Variants in SEC14L3 observed in about 807,000 individuals in gnomAD.
The protein encoded by SEC14L3 is SEC14-like protein 3.
A neutral mutation model predicts 57.4 loss-of-function variants in SEC14L3; 56 were observed. That is an observed-to-expected ratio of 0.97 (90% CI 0.79 to 1.22). SEC14L3 has a LOEUF of 1.22. Among genes scored for constraint, SEC14L3 ranks in the 50% most tolerant of loss-of-function variants. SEC14L3 has a pLI of 0.00. For synonymous variants in SEC14L3, 173 were observed against 194.4 expected (o/e 0.89, Z 0.92); for missense variants, 485 against 511.7 (o/e 0.95, Z 0.50).
At chr22:30,451,655 C>A (rs187142054) in intron 12 of SEC14L3, among the ~76,000 whole-genome samples, 6 of 152,100 alleles carry the variant, frequency 3.9e-5, no homozygotes, top group Non-Finnish European at 7.4e-5. Context: ...AAACAGCTTG[C>A]CGAAACACGG....
At chr22:30,469,930 C>G (rs1316686800) in intron 4 of SEC14L3, 89 bp downstream of exon 4, 1 of 1,025,052 alleles carries the variant, frequency 9.8e-7, no homozygotes, top group Non-Finnish European at 1.4e-6. Flanking sequence ...CCACAGGCCT[C>G]TCAGGCTTGC....
intron 12 of SEC14L3, among the ~76,000 whole-genome samples, chr22:30,453,138 TACCACC>T (rs1935019753): frequency 6.6e-6 from 1 of 152,194 alleles, no homozygotes; most frequent in Non-Finnish European, 1.5e-5. Context: ...GATACAATCC[TACCACC>T]TAGATCATCG....
Position 30,461,347 on chromosome 22 carries a change from G to A in SEC14L3, c.1044C>T (p.Pro348=), listed in dbSNP as rs369303021. ...PSQRYNAHMV[P]EDGNLTCSEA... ...CTGAGCAGGTGAGGTTCCCATCCTC[G>A]GGCACCATGTGGGCGTTATAGCGCT... is the stretch of plus-strand genomic sequence containing the variant. The change falls in exon 11 of 12, where the codon CCC becomes CCT. Residue 348 remains proline, a synonymous_variant. Coordinates refer to ENST00000215812, the MANE Select transcript of SEC14L3 (RefSeq NM_174975.5). 37 of 1,610,900 alleles carry A rather than the reference G, an allele frequency of 2.3e-5. No individual in the cohort carries two copies. Among genetic ancestry groups the A allele is most frequent in the Middle Eastern group, 1.6e-4 (1 of 6,070 alleles).
chr22:30,458,139 G>T (rs1327512381), downstream of SEC14L3, among the ~76,000 whole-genome samples: 2 of 152,156 alleles, frequency 1.3e-5, no homozygotes, highest in South Asian at 4.1e-4. Context: ...CCCCATTCCC[G>T]GGTGTGATCC....
At chr22:30,451,991 C>CAAAAAAAAAAAAAA (rs34799395) in intron 12 of SEC14L3, among the ~76,000 whole-genome samples, 2 of 33,794 alleles carry the variant, frequency 5.9e-5, no homozygotes, top group Non-Finnish European at 9.6e-5. Flanking sequence ...GACTCCATCT[C>CAAAAAAAAAAAAAA]AAAAAAAAAA....
chr22:30,460,214 G>A (rs1387702690), intron 11 of SEC14L3, 72 bp from the exon 12 acceptor site: 3 of 1,577,698 alleles, frequency 1.9e-6, no homozygotes, highest in Admixed American at 1.7e-5. Context: ...TGGCCATGGA[G>A]GAGGACAGGC....
rs574203977 is a variant in SEC14L3 at position 30,470,211 on chromosome 22, C to T, written c.174+1G>A. 37 of 1,614,092 alleles carry T rather than the reference C, an allele frequency of 2.3e-5. No individual in the cohort carries two copies. Among genetic ancestry groups the T allele is most frequent in the South Asian group, 2.0e-4 (18 of 91,070 alleles). On this transcript the variant is annotated splice_donor_variant, in intron 3 of 11. Transcript: ENST00000215812. LOFTEE classifies it high-confidence loss of function. ...AAATTTCCAGAGTGGATAGGTCTCA[C>T]CTTGCGGAGCAAAGCCTCCGACTTC...
At chr22:30,454,562 A>ATATTATTATATATAATCTATAATAT (rs10677217), downstream of SEC14L3, among the ~76,000 whole-genome samples, 1 of 55,684 alleles carries the variant, frequency 1.8e-5, no homozygotes, top group African/African-American at 7.2e-5. Flanking sequence ...ATCTATAATA[A>ATATTATTATATATAATCTATAATAT]TATTATATAT....
chr22:30,460,544 C>T (rs574533554), intron 11 of SEC14L3, among the ~76,000 whole-genome samples: 42 of 152,296 alleles, frequency 2.8e-4, no homozygotes, highest in African/African-American at 9.9e-4. Flanking sequence ...CCCCAAAAAG[C>T]AGGTGTTGGC....
At chr22:30,462,321 A>G in intron 8 of SEC14L3, 129 bp from the exon 9 acceptor site, 1 of 1,380,302 alleles carries the variant, frequency 7.2e-7, no homozygotes, top group Non-Finnish European at 9.6e-7. Flanking sequence ...CCAATTCCCC[A>G]GTGTCCTAGG....
chr22:30,457,954 A>C (rs1394046431), downstream of SEC14L3, among the ~76,000 whole-genome samples: 1 of 152,144 alleles, frequency 6.6e-6, no homozygotes, highest in Non-Finnish European at 1.5e-5. Context: ...CCCATCTATA[A>C]AGCAGATATC....
At chr22:30,462,552 A>G (rs1935300727) in intron 8 of SEC14L3, among the ~76,000 whole-genome samples, 1 of 151,952 alleles carries the variant, frequency 6.6e-6, no homozygotes, top group Non-Finnish European at 1.5e-5. Context: ...GACTACAAGC[A>G]TGTACCACCA....
rs754644097 is a variant in SEC14L3, at chr22:30,467,051, C to A, written c.450G>T (p.Val150=). The change falls in exon 6 of 12, where the codon GTG becomes GTT. Residue 150 remains valine (V), a synonymous_variant. Transcript: ENST00000215812. ...ERLGKKIETI[V]MIFDCEGLGL... is the part of the protein sequence containing the mutation. ...CCAGGCCCTCACAGTCAAATATCAT[C>A]ACGATGGTCTCAATCTTCTTCCCTA... 1 of 1,614,084 alleles carries A rather than the reference C, an allele frequency of 6.2e-7. No homozygotes were observed. Among genetic ancestry groups the A allele is most frequent in the Non-Finnish European group, 8.5e-7 (1 of 1,179,968 alleles).
chr22:30,462,764 G>A (rs1014733452), intron 8 of SEC14L3, among the ~76,000 whole-genome samples: 3 of 142,896 alleles, frequency 2.1e-5, no homozygotes, highest in South Asian at 4.4e-4. Context: ...TTGAGACGGA[G>A]TCTTGCTCTG....
rs151165173 is a variant in SEC14L3 at position 30,467,247 on chromosome 22, ACATC to A, written c.424-174_424-171del. 3.8e-4 allele frequency: 95 copies of A among 252,298 alleles called. 1 individual carries two copies. Among genetic ancestry groups the A allele is most frequent in the Middle Eastern group, 2.5e-3 (1 of 406 alleles). 15.6% of individuals were successfully genotyped at this position (252,298 alleles called of 1,614,324 possible). A position where few individuals can be genotyped will look rare whatever the true frequency, so the allele number is the denominator to read the frequency against. On this transcript the variant is annotated intron_variant, in intron 5 of 11. Transcript: ENST00000215812. ...TCCCCACTCATCCATCCATCCATCC[ACATC>A]CATCCATCCATCCATCCATCCATCC...
In SEC14L3 at chr22:30,460,159, AAG is replaced by A. The variant is rs773872796; in HGVS notation, c.1082-19_1082-18del. On this transcript the variant is annotated intron_variant, in intron 11 of 11. Transcript: ENST00000215812. Reference sequence around the variant, plus strand: ...GTAGGACATCTGGGGGACAGATGGAAAGAGGGGCATTGGGCTTGGCTTTACAC... The same window carrying A: ...GTAGGACATCTGGGGGACAGATGGAAAGGGGCATTGGGCTTGGCTTTACAC... 420 of 1,613,024 alleles carry A rather than the reference AAG, an allele frequency of 2.6e-4. No homozygotes were observed. In the Middle Eastern group the frequency reaches 6.8e-3, roughly 26 times the overall value.
intron 12 of SEC14L3, among the ~76,000 whole-genome samples, chr22:30,452,012 AAAAAGAAAAG>A (rs760890504): frequency 6.4e-5 from 9 of 141,246 alleles, no homozygotes; most frequent in African/African-American, 7.8e-5. Context: ...AAAAAAAAGA[AAAAAGAAAAG>A]AAAAGAAAAG....
intron 12 of SEC14L3, among the ~76,000 whole-genome samples, chr22:30,452,772 G>A (rs1601808160): frequency 6.8e-6 from 1 of 147,158 alleles, no homozygotes; most frequent in Non-Finnish European, 1.5e-5. Context: ...AAAGTGCAGT[G>A]GTGTGATCTT....
chr22:30,454,727 C>A (rs757661), downstream of SEC14L3, among the ~76,000 whole-genome samples: 31,790 of 75,198 alleles, frequency 0.42, 6,697 homozygotes, highest in South Asian at 0.61. Flanking sequence ...AATCTATAAT[C>A]TATAATATAT....
Sources: allele counts gnomAD v4.1 joint callset (sites outside exome capture counted in the v4.1 genomes callset), GRCh38; gene constraint gnomAD v4.1.1; transcripts MANE v1.5; gene names NCBI Gene and HGNC (gene_info 2026-07-23, HGNC 2026-07-21).